The following CUX1 variants were observed in gnomAD, a reference collection of about 807,000 sequenced individuals.
The protein encoded by CUX1 is protein CASP.
In CUX1, 31 loss-of-function variants were observed where a neutral mutation model predicts 158.8. The ratio of observed to expected loss-of-function variants is 0.20; its 90% confidence interval spans 0.15 to 0.26. The LOEUF (loss-of-function observed/expected upper bound fraction) is 0.26. CUX1 is among the 10% of genes least tolerant of loss of function. The pLI, the probability that CUX1 is intolerant of heterozygous loss-of-function variation, is 1.00. For missense variants in CUX1, 1,589 were observed against 2,014.6 expected, an observed-to-expected ratio of 0.79 and a Z score of 4.04; for synonymous variants, 879 against 862.1, an observed-to-expected ratio of 1.02 and a Z score of -0.34.
chr7:102,251,254 G>A lies in CUX1; in HGVS notation c.*2212G>A. The A allele has an allele frequency of 2.0e-6, 2 of 981,878 alleles. No individual in the cohort carries two copies. Among genetic ancestry groups the A allele is most frequent in the Non-Finnish European group, 2.4e-6 (2 of 827,006 alleles). The allele number at this position is 981,878 out of a possible 1,614,324, so 60.8% of individuals were successfully genotyped here. A position where few individuals can be genotyped will look rare whatever the true frequency, so the allele number is the denominator to read the frequency against. ...TTACTTTTTTTTTTATTTGGGGGGT[G>A]GGAGGGAGTTATAATTTTAAAGGTA... On this transcript the variant is annotated 3_prime_UTR_variant, in exon 24 of 24. Transcript: ENST00000292535.
At chr7:102,121,116 A>G (rs1240540930) in intron 8 of CUX1, among the ~76,000 whole-genome samples, 2 of 152,154 alleles carry the variant, frequency 1.3e-5, no homozygotes, top group Non-Finnish European at 2.9e-5. Context: ...CCAGCAGTTC[A>G]AGACACAAGT....
chr7:102,277,485 A>G (rs1006960664), intron 17 of CUX1, among the ~76,000 whole-genome samples: 3 of 151,932 alleles, frequency 2.0e-5, no homozygotes, highest in African/African-American at 7.2e-5. Context: ...AATCCCAGCT[A>G]CTTGGGAGGC....
In CUX1 at chr7:101,916,390, T is replaced by C. The variant is rs1035469883; in HGVS notation, c.141+165T>C. The C allele has an allele frequency of 2.6e-5, 14 of 547,216 alleles. No individual in the cohort carries two copies. The African/African-American group carries it at 2.6e-4, about 10-fold the overall frequency. The allele number at this position is 547,216 out of a possible 1,614,324, so 33.9% of individuals were successfully genotyped here. ...TCAGCCCCATTTCCAGCAGAACGCA[T>C]GCCATCCTGCAGGCTGTGGGGATGT... is the stretch of plus-strand genomic sequence containing the variant. On this transcript the variant is annotated intron_variant, in intron 2 of 23. Transcript: ENST00000292535. The surrounding 1 kb of genome is among the most constrained non-coding windows in gnomAD (Gnocchi z 4.4).
rs782322860 is a variant in CUX1, at chr7:102,204,565, G to A, written c.3073+9G>A. The A allele has an allele frequency of 1.2e-5, 20 of 1,611,760 alleles. No homozygotes were observed. In the South Asian group the frequency reaches 1.6e-4, roughly 13 times the overall value. On this transcript the variant is annotated intron_variant, in intron 19 of 23. Coordinates refer to ENST00000292535, the MANE Select transcript of CUX1 (RefSeq NM_181552.4). ...CCAGCAGCAAGGGCCAGGTAATGGGGGTCCTGCCACAGGAGAGGGGCTGCC... is the reference window on the plus strand; with the variant it reads ...CCAGCAGCAAGGGCCAGGTAATGGGAGTCCTGCCACAGGAGAGGGGCTGCC...
intron 8 of CUX1, among the ~76,000 whole-genome samples, chr7:102,151,131 A>G (rs1554503448): frequency 6.6e-6 from 1 of 152,212 alleles, no homozygotes; most frequent in Non-Finnish European, 1.5e-5. Context: ...CTGCGCTTCC[A>G]AGATTACATT....
intron 5 of CUX1, among the ~76,000 whole-genome samples, chr7:102,103,207 T>C (rs1262791373): frequency 6.6e-6 from 1 of 152,140 alleles, no homozygotes; most frequent in East Asian, 1.9e-4. Flanking sequence ...TCCCCCAGGC[T>C]ACGGCACCCT....
chr7:101,919,395 G>A lies in CUX1; in HGVS notation c.141+3170G>A, dbSNP rs114409557. Among the ~76,000 whole-genome samples, 1,219 of 152,326 alleles carry A rather than the reference G, an allele frequency of 8.0e-3. 15 individuals are homozygous for A. Among genetic ancestry groups the A allele is most frequent in the African/African-American group, 0.027 (1,142 of 41,564 alleles). The stretch of plus-strand genomic sequence containing the variant: ...CACACCGCAGGATTGATTACTAACC[G>A]TGGAGGTGACGTCGGGTTGTTGCAT... On this transcript the variant is annotated intron_variant, in intron 2 of 23. Transcript: ENST00000292535.
intron 1 of CUX1, among the ~76,000 whole-genome samples, chr7:101,867,717 AT>A (rs1759820739): frequency 6.6e-6 from 1 of 152,192 alleles, no homozygotes; most frequent in African/African-American, 2.4e-5. Context: ...ATGCATCTCC[AT>A]GTTAGAGAAT....
In CUX1 at chr7:102,132,083, T is replaced by G. The variant is rs563639624; in HGVS notation, c.674+16810T>G. Among the ~76,000 whole-genome samples, 4 of 151,576 alleles carry G rather than the reference T, an allele frequency of 2.6e-5. No individual in the cohort carries two copies. The East Asian group carries it at 7.8e-4, about 30-fold the overall frequency. ...GGGTGGAAAAACTTTTTTTTAAGCA[T>G]GATGCCAAAAGTAGAAATCACAAAG... is the stretch of plus-strand genomic sequence containing the variant. On this transcript the variant is annotated intron_variant, in intron 8 of 23. Transcript: ENST00000292535.
At chr7:101,950,305 C>T (rs891338376) in intron 2 of CUX1, among the ~76,000 whole-genome samples, 22 of 151,912 alleles carry the variant, frequency 1.4e-4, no homozygotes, top group African/African-American at 3.9e-4. Flanking sequence ...CCACTGCGCT[C>T]GGCCCAGAAG....
chr7:101,893,158 CTT>C (rs10589615), intron 1 of CUX1, among the ~76,000 whole-genome samples: 1,228 of 64,790 alleles, frequency 0.019, 18 homozygotes, highest in African/African-American at 0.067. Context: ...ATTTTTATTA[CTT>C]TTTTTTTTTT....
chr7:102,035,876 A>AT (rs1268961127), intron 3 of CUX1, among the ~76,000 whole-genome samples: 3 of 151,622 alleles, frequency 2.0e-5, no homozygotes, highest in African/African-American at 7.3e-5. Flanking sequence ...TCCCAACAAA[A>AT]TTTTTTTTGT....
At chr7:101,923,219 G>A (rs955022408) in intron 2 of CUX1, among the ~76,000 whole-genome samples, 1 of 152,192 alleles carries the variant, frequency 6.6e-6, no homozygotes, top group Non-Finnish European at 1.5e-5. Context: ...CAGTGCTCCT[G>A]CGACATCGGC....
chr7:102,178,353 C>T (rs1283101076), intron 10 of CUX1, 116 bp from the exon 11 acceptor site: 1 of 1,012,174 alleles, frequency 9.9e-7, no homozygotes, highest in Non-Finnish European at 1.4e-6. Context: ...GACATCCTGC[C>T]ATCACCATCC....
At chr7:101,859,606 G>A (rs140660811) in intron 1 of CUX1, among the ~76,000 whole-genome samples, 38 of 152,220 alleles carry the variant, frequency 2.5e-4, no homozygotes, top group African/African-American at 8.9e-4. Flanking sequence ...TCATCAGAAC[G>A]TTTGGAAATA....
chr7:102,197,876 A>G, intron 15 of CUX1, among the ~76,000 whole-genome samples: 1 of 152,198 alleles, frequency 6.6e-6, no homozygotes, highest in East Asian at 1.9e-4. Flanking sequence ...GCCTGGCTTG[A>G]GTAAAATACA....
At chr7:102,145,687 C>A (rs1422548340) in intron 8 of CUX1, among the ~76,000 whole-genome samples, 1 of 152,144 alleles carries the variant, frequency 6.6e-6, no homozygotes, top group Non-Finnish European at 1.5e-5. Context: ...TGGCTCACGC[C>A]TGTAATCCCA....
chr7:102,199,482 C>G (rs1264703446), intron 16 of CUX1, among the ~76,000 whole-genome samples: 3 of 152,212 alleles, frequency 2.0e-5, no homozygotes, highest in Non-Finnish European at 2.9e-5. Flanking sequence ...ACCATGTGGC[C>G]GAAAGAATCC....
chr7:102,040,459 C>T (rs975525049), intron 3 of CUX1, among the ~76,000 whole-genome samples: 1 of 152,160 alleles, frequency 6.6e-6, no homozygotes, highest in Non-Finnish European at 1.5e-5. Flanking sequence ...AGGCAGAACC[C>T]TTAAGTCTCT....
Sources: allele counts gnomAD v4.1 joint callset (sites outside exome capture counted in the v4.1 genomes callset), GRCh38; gene constraint gnomAD v4.1.1; non-coding constraint Gnocchi (gnomAD v3.1); transcripts MANE v1.5; gene names NCBI Gene and HGNC (gene_info 2026-07-23, HGNC 2026-07-21).